Variants in SLC24A2 observed in about 807,000 individuals in gnomAD.
SLC24A2 encodes sodium/potassium/calcium exchanger 2.
In SLC24A2, 36 loss-of-function variants were observed where a neutral mutation model predicts 62.0. The observed-to-expected ratio is 0.58, with a 90% CI of 0.44 to 0.77. SLC24A2 has a LOEUF of 0.77. Ranked by LOEUF, SLC24A2 falls within the 30% of genes least tolerant of loss-of-function variation. SLC24A2 has a pLI of 0.00. For missense variants in SLC24A2, 846 were observed against 817.9 expected (o/e 1.03, Z -0.42); for synonymous variants, 358 against 294.0 (o/e 1.22, Z -2.23).
At chr9:20,059,900 G>A in the SLC24A2 span, among the ~76,000 whole-genome samples, 4 of 151,960 alleles carry the variant, frequency 2.6e-5, no homozygotes, top group African/African-American at 7.2e-5. Context: ...TTTGCCACAC[G>A]ATTAGGTAAG....
chr9:19,908,906 T>C, the SLC24A2 span, among the ~76,000 whole-genome samples: 14 of 151,840 alleles, frequency 9.2e-5, no homozygotes, highest in Non-Finnish European at 1.5e-4. Flanking sequence ...AGTTCAACTA[T>C]TGTGGAAGTC....
the SLC24A2 span, among the ~76,000 whole-genome samples, chr9:20,115,183 G>A: frequency 6.6e-6 from 1 of 152,090 alleles, no homozygotes; most frequent in East Asian, 1.9e-4. Context: ...GAATTGCACT[G>A]CAAACAAAGG....
At chr9:20,258,857 T>TCC in the SLC24A2 span, among the ~76,000 whole-genome samples, 1 of 100,398 alleles carries the variant, frequency 1.0e-5, no homozygotes, top group African/African-American at 3.8e-5. Flanking sequence ...ATCTATCTAA[T>TCC]GTCTATCTAT....
intron 2 of SLC24A2, among the ~76,000 whole-genome samples, chr9:19,674,151 A>C (rs1564029962): frequency 6.6e-6 from 1 of 152,302 alleles, no homozygotes; most frequent in East Asian, 1.9e-4. Flanking sequence ...TCTAGATACA[A>C]AATTCTTGGC....
At chr9:19,648,388 C>G (rs964681226) in intron 2 of SLC24A2, among the ~76,000 whole-genome samples, 11 of 152,148 alleles carry the variant, frequency 7.2e-5, no homozygotes, top group African/African-American at 2.7e-4. Flanking sequence ...ACCCCTAAAT[C>G]CCCTGAAATC....
the SLC24A2 span, among the ~76,000 whole-genome samples, chr9:20,152,992 G>A: frequency 4.6e-5 from 7 of 151,940 alleles, no homozygotes; most frequent in East Asian, 5.8e-4. Context: ...TGTACAGAGG[G>A]GAAAGGCAGA....
At chr9:20,162,734 A>G in the SLC24A2 span, among the ~76,000 whole-genome samples, 1 of 152,106 alleles carries the variant, frequency 6.6e-6, no homozygotes, top group Non-Finnish European at 1.5e-5. Context: ...ATCCTCAATA[A>G]AATACTGGAA....
chr9:19,878,923 T>G, the SLC24A2 span, among the ~76,000 whole-genome samples: 1 of 152,104 alleles, frequency 6.6e-6, no homozygotes, highest in Non-Finnish European at 1.5e-5. Context: ...GAATATTGTC[T>G]TCAAAATAAT....
At chr9:20,294,854 T>A in the SLC24A2 span, among the ~76,000 whole-genome samples, 3 of 152,148 alleles carry the variant, frequency 2.0e-5, no homozygotes, top group Non-Finnish European at 2.9e-5. Flanking sequence ...GTCATGTTCC[T>A]ACAAGCCTGA....
the SLC24A2 span, among the ~76,000 whole-genome samples, chr9:20,293,203 A>G: frequency 6.6e-6 from 1 of 152,228 alleles, no homozygotes; most frequent in African/African-American, 2.4e-5. Context: ...TTTGCAAATA[A>G]TATCAAGTTC....
chr9:19,619,550 C>T, intron 4 of SLC24A2, 34 bp downstream of exon 4: 1 of 1,531,816 alleles, frequency 6.5e-7, no homozygotes, highest in Non-Finnish European at 9.1e-7. Context: ...CTTTTCCCCC[C>T]AAACAAGTTC....
At chr9:19,711,111 T>C (rs1272989142) in intron 2 of SLC24A2, among the ~76,000 whole-genome samples, 1 of 152,232 alleles carries the variant, frequency 6.6e-6, no homozygotes, top group African/African-American at 2.4e-5. Flanking sequence ...CTGGGAATTC[T>C]TGAGGGTCAC....
chr9:20,218,910 G>A, the SLC24A2 span, among the ~76,000 whole-genome samples: 1 of 152,110 alleles, frequency 6.6e-6, no homozygotes, highest in Non-Finnish European at 1.5e-5. Context: ...TAGAGGCTCA[G>A]AGTCATTGGG....
chr9:19,528,420 TC>T (rs1184643471), intron 8 of SLC24A2, among the ~76,000 whole-genome samples: 1 of 152,124 alleles, frequency 6.6e-6, no homozygotes, highest in Non-Finnish European at 1.5e-5. Flanking sequence ...ATGTTTAGAT[TC>T]CCTCTGCTCT....
At chr9:19,887,000 G>A in the SLC24A2 span, among the ~76,000 whole-genome samples, 11 of 151,988 alleles carry the variant, frequency 7.2e-5, no homozygotes, top group East Asian at 1.7e-3. Flanking sequence ...GGAGCTGAAC[G>A]ACGAGAACAC....
the SLC24A2 span, among the ~76,000 whole-genome samples, chr9:20,297,591 ACCCATGGCAATGGCAGCC>A: frequency 1.3e-5 from 2 of 152,084 alleles, no homozygotes; most frequent in Admixed American, 1.3e-4. Flanking sequence ...TCTGGGACAG[ACCCATGGCAATGGCAGCC>A]CCCACCTAGG....
chr9:19,643,302 G>T lies in SLC24A2; in HGVS notation c.931-21003C>A, dbSNP rs528948116. ...CACTGAACTATCTGCAGAGATCAAA[G>T]GACCCATTATTCAGGCCAGATGTTT... is the stretch of plus-strand genomic sequence containing the variant. On this transcript the variant is annotated intron_variant, in intron 2 of 10. Transcript: ENST00000341998. Among the ~76,000 whole-genome samples, 42 of 152,154 alleles carry T rather than the reference G, an allele frequency of 2.8e-4. No individual in the cohort carries two copies. The South Asian group carries it at 8.3e-3, about 30-fold the overall frequency.
the SLC24A2 span, among the ~76,000 whole-genome samples, chr9:19,810,649 C>T: frequency 2.0e-5 from 3 of 152,258 alleles, no homozygotes; most frequent in Non-Finnish European, 4.4e-5. Flanking sequence ...TTAATGCGTC[C>T]GCTTAAGTAG....
the SLC24A2 span, among the ~76,000 whole-genome samples, chr9:20,230,926 T>G: frequency 2.6e-5 from 4 of 152,202 alleles, no homozygotes; most frequent in African/African-American, 4.8e-5. Flanking sequence ...TGTAAGGAAG[T>G]GATCCAGTCT....
Sources: allele counts gnomAD v4.1 joint callset (sites outside exome capture counted in the v4.1 genomes callset), GRCh38; gene constraint gnomAD v4.1.1; transcripts MANE v1.5; gene names NCBI Gene and HGNC (gene_info 2026-07-23, HGNC 2026-07-21).